The following KLHL24 variants were observed in gnomAD, a reference collection of about 807,000 sequenced individuals.
KLHL24 encodes the protein kelch like family member 24.
A neutral mutation model predicts 53.4 loss-of-function variants in KLHL24; 29 were observed. The ratio of observed to expected loss-of-function variants is 0.54; its 90% CI spans 0.40 to 0.74. The LOEUF (loss-of-function observed/expected upper bound fraction) is 0.74, where lower values mean the gene tolerates loss of function less well. KLHL24 is among the 30% of genes least tolerant of loss of function. KLHL24 has a pLI of 0.00. For synonymous variants in KLHL24, 222 were observed against 253.7 expected (o/e 0.88, Z 1.19); for missense variants, 504 against 744.0 (o/e 0.68, Z 3.75).
At chr3:183,674,505 C>T (rs1219438734) in intron 7 of KLHL24, among the ~76,000 whole-genome samples, 9 of 151,966 alleles carry the variant, frequency 5.9e-5, no homozygotes, top group South Asian at 2.1e-4. Flanking sequence ...GAATTACAGG[C>T]GCCCACCACC....
intron 5 of KLHL24, among the ~76,000 whole-genome samples, chr3:183,670,270 A>T (rs1721154487): frequency 6.6e-6 from 1 of 152,174 alleles, no homozygotes; most frequent in Non-Finnish European, 1.5e-5. Flanking sequence ...TCTCCAAAAA[A>T]AGAAAAAGAG....
rs918046444 is a variant in KLHL24, at chr3:183,683,127, G to A, written c.*3841G>A. ...CCCGGCTAATTTTTTTGTATTTTTAGTAGAGACGGGGTTTAGTAGAGACGG... is the reference window on the plus strand; with the variant it reads ...CCCGGCTAATTTTTTTGTATTTTTAATAGAGACGGGGTTTAGTAGAGACGG... On this transcript the variant is annotated 3_prime_UTR_variant, in exon 8 of 8. Coordinates refer to ENST00000242810, the MANE Select transcript of KLHL24 (RefSeq NM_017644.3). 6.6e-6 allele frequency: 1 copy of A among 151,494 alleles called. No homozygotes were observed. The highest frequency in any genetic ancestry group is 1.5e-5 in the Non-Finnish European group (1 of 68,056). The allele number at this position is 151,494 out of a possible 1,614,324, so 9.4% of individuals were successfully genotyped here. A position where few individuals can be genotyped will look rare whatever the true frequency, so the allele number is the denominator to read the frequency against.
intron 1 of KLHL24, chr3:183,636,324 G>A (rs2108739876): frequency 6.6e-6 from 1 of 152,390 alleles, no homozygotes; most frequent in South Asian, 2.1e-4. Context: ...GGGGTCCCCA[G>A]GGCCGCGGGC....
At chr3:183,660,470 T>C (rs1719574215) in intron 3 of KLHL24, among the ~76,000 whole-genome samples, 1 of 152,224 alleles carries the variant, frequency 6.6e-6, no homozygotes, top group Admixed American at 6.5e-5. Context: ...AGTCTGTTTT[T>C]ACCAGTTAGT....
At chr3:183,652,772 T>A (rs1424626290) in intron 3 of KLHL24, among the ~76,000 whole-genome samples, 2 of 152,212 alleles carry the variant, frequency 1.3e-5, no homozygotes, top group Non-Finnish European at 2.9e-5. Flanking sequence ...GACTATTAGT[T>A]CTTCGAGAAC....
intron 2 of KLHL24, among the ~76,000 whole-genome samples, chr3:183,648,880 G>A (rs1005398846): frequency 6.6e-6 from 1 of 152,100 alleles, no homozygotes; most frequent in Non-Finnish European, 1.5e-5. Context: ...GTACGTGCCT[G>A]TAGTCCCAGC....
chr3:183,673,377 A>G (rs906211992), intron 7 of KLHL24, among the ~76,000 whole-genome samples: 1 of 140,334 alleles, frequency 7.1e-6, no homozygotes, highest in Non-Finnish European at 1.5e-5. Context: ...TATCTGTTAC[A>G]CTTGGGCTGT....
chr3:183,640,612 T>G (rs1296939183), intron 1 of KLHL24, among the ~76,000 whole-genome samples: 1 of 137,744 alleles, frequency 7.3e-6, no homozygotes, highest in African/African-American at 2.8e-5. Context: ...TTTTTTTTTT[T>G]TTTTTGAGAC....
Position 183,671,095 on chromosome 3 carries a change from C to A in KLHL24, c.1286C>A (p.Ser429Tyr). ...CTTAGCAGCGTAGAATGTTATGATT[C>A]CTTTTCAAATCGATGGACTGAAGTT... Reference protein sequence around the residue: ...NRLSSVECYDSFSNRWTEVAP... With the variant: ...NRLSSVECYDYFSNRWTEVAP... Residue 429 changes from serine (S) to tyrosine (Y), a missense_variant, in exon 6 of 8, where the codon TCC becomes TAC. Coordinates refer to ENST00000242810, the MANE Select transcript of KLHL24 (RefSeq NM_017644.3). 1 of 1,613,998 alleles carries A rather than the reference C, an allele frequency of 6.2e-7. No homozygotes were observed. Among genetic ancestry groups the A allele is most frequent in the Non-Finnish European group, 8.5e-7 (1 of 1,179,950 alleles).
chr3:183,642,097 C>T (rs1436211626), intron 1 of KLHL24, among the ~76,000 whole-genome samples: 1 of 152,174 alleles, frequency 6.6e-6, no homozygotes, highest in Non-Finnish European at 1.5e-5. Context: ...TCTTAGCCAA[C>T]CCCACAGAGT....
At chr3:183,651,783 A>G (rs1460035217) in intron 3 of KLHL24, among the ~76,000 whole-genome samples, 1 of 152,072 alleles carries the variant, frequency 6.6e-6, no homozygotes, top group Non-Finnish European at 1.5e-5. Context: ...GCGAGACCTC[A>G]TCGCTACTAA....
Position 183,651,235 on chromosome 3 carries a change from A to T in KLHL24, c.879A>T (p.Ile293=), listed in dbSNP as rs781480811. 2.5e-6 allele frequency: 4 copies of T among 1,614,014 alleles called. No homozygotes were observed. In the African/African-American group the frequency reaches 5.3e-5, roughly 22 times the overall value. ...QLLHEARRYH[I]LGNEMMSPRT... ...TGCATGAAGCAAGACGGTACCACAT[A>T]CTTGGGAATGAAATGATGTCCCCAA... The change falls in exon 3 of 8, where the codon ATA becomes ATT. Residue 293 remains isoleucine (I), a synonymous_variant. Transcript: ENST00000242810.
intron 5 of KLHL24, among the ~76,000 whole-genome samples, chr3:183,670,153 T>A (rs1721138189): frequency 6.6e-6 from 1 of 152,032 alleles, no homozygotes; most frequent in Non-Finnish European, 1.5e-5. Flanking sequence ...TGGTTTCAGC[T>A]ACTTGGGAGG....
intron 1 of KLHL24, among the ~76,000 whole-genome samples, chr3:183,637,018 C>T (rs534508131): frequency 6.6e-6 from 1 of 152,298 alleles, no homozygotes; most frequent in Non-Finnish European, 1.5e-5. Flanking sequence ...GCAGGAAGTC[C>T]TGCGAACACG....
intron 7 of KLHL24, among the ~76,000 whole-genome samples, chr3:183,673,419 T>C (rs1318606882): frequency 4.0e-5 from 6 of 151,762 alleles, no homozygotes; most frequent in Non-Finnish European, 8.8e-5. Flanking sequence ...TTTTTCACAA[T>C]CCTACTCCAG....
At chr3:183,656,526 T>C (rs1718923702) in intron 3 of KLHL24, among the ~76,000 whole-genome samples, 2 of 152,198 alleles carry the variant, frequency 1.3e-5, no homozygotes, top group African/African-American at 2.4e-5. Flanking sequence ...CTGTAGAGAA[T>C]TAATATGGTA....
chr3:183,674,886 C>CCTA (rs768908727), intron 7 of KLHL24, among the ~76,000 whole-genome samples: 10 of 152,254 alleles, frequency 6.6e-5, no homozygotes, highest in Middle Eastern at 3.4e-3. Context: ...GTCTTCTTAT[C>CCTA]CTGTAATGCC....
At chr3:183,676,977 A>G (rs1281180106) in intron 7 of KLHL24, among the ~76,000 whole-genome samples, 1 of 151,646 alleles carries the variant, frequency 6.6e-6, no homozygotes, top group Non-Finnish European at 1.5e-5. Context: ...TAACATTAAA[A>G]CTTTATATAT....
intron 1 of KLHL24, among the ~76,000 whole-genome samples, chr3:183,639,398 A>G (rs184498054): frequency 4.7e-5 from 7 of 149,278 alleles, no homozygotes; most frequent in African/African-American, 1.5e-4. Flanking sequence ...TGGGAGGCCA[A>G]GGCGGGCAGA....
Sources: gnomAD v4.1 joint callset for allele counts (sites outside exome capture counted in the v4.1 genomes callset) on GRCh38, gnomAD v4.1.1 for gene constraint, MANE v1.5 for transcripts, NCBI Gene and HGNC (gene_info 2026-07-23, HGNC 2026-07-21) for gene names.